The following VWA8 variants were observed in gnomAD, a reference collection of about 807,000 sequenced individuals.
VWA8 encodes the protein von Willebrand factor A domain containing 8, also known as von Willebrand factor A domain-containing protein 8.
VWA8 carries 221 observed loss-of-function variants against 241.5 expected under a neutral mutation model. The ratio of observed to expected loss-of-function variants is 0.91; its 90% CI spans 0.82 to 1.02. The LOEUF (loss-of-function observed/expected upper bound fraction) is 1.02. Ranked by LOEUF, VWA8 falls within the 50% of genes least tolerant of loss-of-function variation. The pLI, the probability that VWA8 is intolerant of heterozygous loss-of-function variation, is 0.00. For missense variants in VWA8, 2,322 were observed against 2,328.7 expected, an observed-to-expected ratio of 1.00 and a Z score of 0.06; for synonymous variants, 852 against 827.1, an observed-to-expected ratio of 1.03 and a Z score of -0.52.
intron 5 of VWA8, among the ~76,000 whole-genome samples, chr13:41,888,826 A>T (rs1028917477): frequency 3.3e-5 from 5 of 152,176 alleles, no homozygotes; most frequent in African/African-American, 1.2e-4. Context: ...TAAAAATAAT[A>T]ATTATTTCAA....
At chr13:41,852,366 A>G (rs1247986870) in intron 12 of VWA8, among the ~76,000 whole-genome samples, 2 of 151,908 alleles carry the variant, frequency 1.3e-5, no homozygotes, top group Admixed American at 6.6e-5. Flanking sequence ...ATTTGCAAAT[A>G]TTTTCTCCCA....
intron 44 of VWA8, 72 bp downstream of exon 44, chr13:41,570,391 AAGCCT>A: frequency 7.5e-7 from 1 of 1,328,422 alleles, no homozygotes; most frequent in Non-Finnish European, 1.1e-6. Flanking sequence ...TCATGGTGCT[AAGCCT>A]ATAAAACAGC....
intron 35 of VWA8, among the ~76,000 whole-genome samples, chr13:41,682,894 C>T (rs978223036): frequency 2.6e-5 from 4 of 152,030 alleles, no homozygotes; most frequent in East Asian, 1.9e-4. Flanking sequence ...CTAGGGAAAA[C>T]GCAAATTAAA....
intron 10 of VWA8, among the ~76,000 whole-genome samples, 195 bp downstream of exon 10, chr13:41,868,151 A>C (rs1873396287): frequency 6.6e-6 from 1 of 152,160 alleles, no homozygotes; most frequent in Non-Finnish European, 1.5e-5. Context: ...TTTTGATGAA[A>C]GGCTTTCCCT....
At chr13:41,771,161 C>T (rs573949539) in intron 20 of VWA8, among the ~76,000 whole-genome samples, 56 of 152,138 alleles carry the variant, frequency 3.7e-4, no homozygotes, top group African/African-American at 6.5e-4. Context: ...CTCACTCTAT[C>T]GCCCAGGCTA....
intron 20 of VWA8, among the ~76,000 whole-genome samples, 199 bp from the exon 21 acceptor site, chr13:41,761,403 G>A (rs865872902): frequency 2.8e-4 from 42 of 151,982 alleles, no homozygotes; most frequent in African/African-American, 8.9e-4. Context: ...ATTTCTAAAC[G>A]TACTAGTTCT....
At chr13:41,704,979 T>C (rs2045273726) in intron 26 of VWA8, among the ~76,000 whole-genome samples, 1 of 152,212 alleles carries the variant, frequency 6.6e-6, no homozygotes, top group South Asian at 2.1e-4. Context: ...TAAAAAGTAG[T>C]CTGACATAAT....
chr13:41,717,299 ATATT>A (rs1465938889), intron 26 of VWA8, among the ~76,000 whole-genome samples: 2 of 151,650 alleles, frequency 1.3e-5, no homozygotes, highest in Non-Finnish European at 2.9e-5. Flanking sequence ...AAATATTTGA[ATATT>A]TAAATATTCA....
intron 2 of VWA8, among the ~76,000 whole-genome samples, chr13:41,945,337 A>G (rs1057341232): frequency 6.6e-6 from 1 of 152,126 alleles, no homozygotes; most frequent in Non-Finnish European, 1.5e-5. Context: ...GAGAGATTAT[A>G]CTATTTAAAA....
chr13:41,725,760 G>T (rs1566430059), intron 24 of VWA8, among the ~76,000 whole-genome samples: 1 of 152,074 alleles, frequency 6.6e-6, no homozygotes, highest in Non-Finnish European at 1.5e-5. Flanking sequence ...GGGGTATAAG[G>T]GGTGACCTAC....
chr13:41,959,662 C>G (rs1276024934), intron 1 of VWA8, among the ~76,000 whole-genome samples: 1 of 128,888 alleles, frequency 7.8e-6, no homozygotes, highest in Non-Finnish European at 1.6e-5. Context: ...GGCCGGAGTG[C>G]AGTGGCTCCG....
rs192994943 is a variant in VWA8 at position 41,588,590 on chromosome 13, A to T, written c.5113-920T>A. On this transcript the variant is annotated intron_variant, in intron 41 of 44. Coordinates refer to ENST00000379310, the MANE Select transcript of VWA8 (RefSeq NM_015058.2). The stretch of plus-strand genomic sequence containing the variant: ...TACACAAATCAGCTAGGGTGGTGCT[A>T]TGTGCCTATATTCCCAGCTACTCAG... Among the ~76,000 whole-genome samples the T allele has an allele frequency of 6.3e-4, 96 of 152,152 alleles. 1 individual carries two copies. The South Asian group carries it at 0.014, about 22-fold the overall frequency.
intron 20 of VWA8, among the ~76,000 whole-genome samples, chr13:41,774,768 AAAAAG>A (rs1470307794): frequency 3.3e-5 from 5 of 152,182 alleles, no homozygotes; most frequent in African/African-American, 7.2e-5. Flanking sequence ...ATAGATAAGA[AAAAAG>A]AAAAGGCCCT....
At position 41,685,262 on chromosome 13, in the gene VWA8, T is replaced by G. The variant is rs770242331; in HGVS notation, c.4132-20A>C. On this transcript the variant is annotated intron_variant, in intron 34 of 44. Coordinates refer to ENST00000379310, the MANE Select transcript of VWA8 (RefSeq NM_015058.2). The stretch of plus-strand genomic sequence containing the variant: ...GGGTGACTGAAAAAAAGAAAGAGAT[T>G]AAAGTACTGAAGTACCATATACTAC... 48 of 1,605,772 alleles carry G rather than the reference T, an allele frequency of 3.0e-5. No homozygotes were observed. The highest frequency in any genetic ancestry group is 3.9e-5 in the Non-Finnish European group (46 of 1,176,462).
chr13:41,616,118 G>A (rs2044619001), intron 37 of VWA8, among the ~76,000 whole-genome samples: 1 of 152,206 alleles, frequency 6.6e-6, no homozygotes, highest in South Asian at 2.1e-4. Flanking sequence ...AGTCTTTAGA[G>A]TTAACCATTC....
intron 27 of VWA8, among the ~76,000 whole-genome samples, chr13:41,701,945 A>G (rs1374974257): frequency 6.6e-6 from 1 of 152,248 alleles, no homozygotes. Flanking sequence ...TTTTTATGTC[A>G]TTACACAGAA....
At chr13:41,919,820 C>T (rs1344454027) in intron 2 of VWA8, among the ~76,000 whole-genome samples, 6 of 152,030 alleles carry the variant, frequency 3.9e-5, no homozygotes, top group Non-Finnish European at 8.8e-5. Flanking sequence ...GACACTGTAC[C>T]CTGCCTCTCA....
chr13:41,671,998 T>C (rs2045028892), intron 36 of VWA8, among the ~76,000 whole-genome samples: 1 of 152,232 alleles, frequency 6.6e-6, no homozygotes, highest in Non-Finnish European at 1.5e-5. Flanking sequence ...TGTAATTTAC[T>C]GGTTCTCTGC....
chr13:41,870,093 C>G (rs992917272), intron 9 of VWA8, among the ~76,000 whole-genome samples: 1 of 152,150 alleles, frequency 6.6e-6, no homozygotes, highest in African/African-American at 2.4e-5. Flanking sequence ...AAGACAATCA[C>G]TAACTCCTTT....
Sources: allele counts gnomAD v4.1 joint callset (sites outside exome capture counted in the v4.1 genomes callset), GRCh38; gene constraint gnomAD v4.1.1; transcripts MANE v1.5; gene names NCBI Gene and HGNC (gene_info 2026-07-23, HGNC 2026-07-21).